The following CNTLN variants were observed in gnomAD, a reference collection of about 807,000 sequenced individuals.
CNTLN encodes the protein centlein.
Under a neutral mutation model 180.0 loss-of-function variants are expected in CNTLN, and 212 were observed. The ratio of observed to expected loss-of-function variants is 1.18; its 90% confidence interval spans 1.05 to 1.32. The LOEUF (loss-of-function observed/expected upper bound fraction) is 1.32, where lower values mean the gene tolerates loss of function less well. Among genes scored for constraint, CNTLN ranks in the 40% most tolerant of loss-of-function variants. The pLI is 0.00. For missense variants in CNTLN, 2,095 were observed against 1,610.9 expected (o/e 1.30, Z -5.14); for synonymous variants, 722 against 563.1 (o/e 1.28, Z -3.99).
chr9:17,245,340 C>T (rs1445756419), intron 5 of CNTLN, among the ~76,000 whole-genome samples: 4 of 150,386 alleles, frequency 2.7e-5, no homozygotes, highest in African/African-American at 9.8e-5. Context: ...TTTTTTCCTT[C>T]AGCACTTTAA....
At chr9:17,426,148 C>G (rs1829070644) in intron 18 of CNTLN, among the ~76,000 whole-genome samples, 1 of 152,134 alleles carries the variant, frequency 6.6e-6, no homozygotes, top group South Asian at 2.1e-4. Flanking sequence ...AAGAAATAGA[C>G]AATGAAGGAA....
chr9:17,292,653 G>A (rs1285518498), intron 6 of CNTLN, among the ~76,000 whole-genome samples: 1 of 152,038 alleles, frequency 6.6e-6, no homozygotes, highest in East Asian at 1.9e-4. Flanking sequence ...ACTCCATTAG[G>A]TTATTTATGT....
In CNTLN at chr9:17,287,175, C is replaced by T. The variant is rs1393989288; in HGVS notation, c.984-11015C>T. Among the ~76,000 whole-genome samples, 210 of 149,378 alleles carry T rather than the reference C, an allele frequency of 1.4e-3. 1 individual carries two copies. Among genetic ancestry groups the T allele is most frequent in the African/African-American group, 4.3e-3 (173 of 40,006 alleles). On this transcript the variant is annotated intron_variant, in intron 6 of 25. Transcript: ENST00000380647. ...AGATAGCTCTTATTATTTTGAAATA[C>T]GTCCCATCAATACCTAATTTATTGA...
chr9:17,136,662 C>G (rs1817739703), intron 1 of CNTLN, among the ~76,000 whole-genome samples: 1 of 152,170 alleles, frequency 6.6e-6, no homozygotes, highest in African/African-American at 2.4e-5. Flanking sequence ...TTTATAGGTC[C>G]TTGCTGACTG....
intron 2 of CNTLN, among the ~76,000 whole-genome samples, chr9:17,150,742 G>A (rs1410317361): frequency 6.6e-6 from 1 of 152,180 alleles, no homozygotes; most frequent in Non-Finnish European, 1.5e-5. Flanking sequence ...ACTTTGGGCA[G>A]TATGGCCATT....
At chr9:17,260,581 T>G (rs1826888136) in intron 5 of CNTLN, among the ~76,000 whole-genome samples, 1 of 151,456 alleles carries the variant, frequency 6.6e-6, no homozygotes, top group Non-Finnish European at 1.5e-5. Context: ...TAGAACCCTG[T>G]TAGATGCATA....
At chr9:17,459,030 T>C (rs1286128391) in intron 19 of CNTLN, among the ~76,000 whole-genome samples, 1 of 151,822 alleles carries the variant, frequency 6.6e-6, no homozygotes, top group Non-Finnish European at 1.5e-5. Context: ...TCTGTGATTC[T>C]TCATATATTT....
At chr9:17,324,793 TGTAA>T (rs974156873) in intron 8 of CNTLN, among the ~76,000 whole-genome samples, 2 of 152,168 alleles carry the variant, frequency 1.3e-5, no homozygotes, top group Non-Finnish European at 2.9e-5. Context: ...GACTGTACCA[TGTAA>T]GTATTTAGAT....
At chr9:17,401,738 G>C (rs1826991643) in intron 15 of CNTLN, among the ~76,000 whole-genome samples, 1 of 151,768 alleles carries the variant, frequency 6.6e-6, no homozygotes, top group Admixed American at 6.6e-5. Flanking sequence ...AAGATTACTT[G>C]TTTATAACTT....
rs891181654 is a variant in CNTLN, at chr9:17,176,429, T to C, written c.449+33053T>C. On this transcript the variant is annotated intron_variant, in intron 2 of 25. Transcript: ENST00000380647. Reference sequence around the variant, plus strand: ...TTTTGAATACTGAACCAGCTTTGCCTACTGGAATAAATTTCACTTGGTCGT... The same window carrying C: ...TTTTGAATACTGAACCAGCTTTGCCCACTGGAATAAATTTCACTTGGTCGT... Among the ~76,000 whole-genome samples, 3 of 152,222 alleles carry C rather than the reference T, an allele frequency of 2.0e-5. No homozygotes were observed. The East Asian group carries it at 5.8e-4, about 29-fold the overall frequency.
rs1049568801 is a variant in CNTLN, at chr9:17,158,098, C to T, written c.449+14722C>T. Among the ~76,000 whole-genome samples the T allele has an allele frequency of 2.3e-4, 35 of 152,210 alleles. 1 individual carries two copies. In the South Asian group the frequency reaches 2.7e-3, roughly 12 times the overall value. On this transcript the variant is annotated intron_variant, in intron 2 of 25. Coordinates refer to ENST00000380647, the MANE Select transcript of CNTLN (RefSeq NM_017738.4). ...ATCCAAAATTTGAAACACTTCTGAT[C>T]CCAACCATGTCAGATAAGGGATACC...
At chr9:17,293,311 G>T (rs551781978) in intron 6 of CNTLN, among the ~76,000 whole-genome samples, 4 of 152,226 alleles carry the variant, frequency 2.6e-5, no homozygotes, top group Non-Finnish European at 5.9e-5. Flanking sequence ...GAGCGGGTGC[G>T]CTGTGCTGTG....
At chr9:17,147,981 A>G (rs1295642982) in intron 2 of CNTLN, among the ~76,000 whole-genome samples, 1 of 152,174 alleles carries the variant, frequency 6.6e-6, no homozygotes, top group Non-Finnish European at 1.5e-5. Flanking sequence ...ATACTACTAT[A>G]CTTCATATGC....
chr9:17,142,687 C>G (rs899595814), intron 1 of CNTLN, among the ~76,000 whole-genome samples: 17 of 152,140 alleles, frequency 1.1e-4, no homozygotes, highest in African/African-American at 3.9e-4. Flanking sequence ...ACTTTTAAAA[C>G]ATACTGATGC....
chr9:17,357,322 G>T (rs1486213985), intron 12 of CNTLN, among the ~76,000 whole-genome samples: 3 of 151,428 alleles, frequency 2.0e-5, no homozygotes, highest in African/African-American at 2.4e-5. Context: ...TTTGTATTTT[G>T]CTATAAAGTC....
the CNTLN span, among the ~76,000 whole-genome samples, chr9:17,517,320 A>T: frequency 6.6e-6 from 1 of 151,880 alleles, no homozygotes; most frequent in Admixed American, 6.6e-5. Context: ...TGAACCCAGG[A>T]GGCGGAGCTT....
intron 23 of CNTLN, among the ~76,000 whole-genome samples, chr9:17,470,464 A>G (rs184472666): frequency 2.6e-5 from 4 of 152,000 alleles, no homozygotes; most frequent in East Asian, 1.9e-4. Flanking sequence ...TGTGGAATCT[A>G]TGTTCCCTTT....
intron 7 of CNTLN, 175 bp downstream of exon 7, chr9:17,298,527 A>G: frequency 1.5e-6 from 2 of 1,302,746 alleles, no homozygotes; most frequent in Non-Finnish European, 2.0e-6. Context: ...AATTTTTTGA[A>G]TTTTCTTTAT....
At chr9:17,135,988 A>G (rs561655122) in intron 1 of CNTLN, among the ~76,000 whole-genome samples, 3 of 152,172 alleles carry the variant, frequency 2.0e-5, no homozygotes, top group African/African-American at 7.2e-5. Flanking sequence ...TTGTTTATTA[A>G]CCAGCTATGG....
Sources: allele counts gnomAD v4.1 joint callset (sites outside exome capture counted in the v4.1 genomes callset), GRCh38; gene constraint gnomAD v4.1.1; transcripts MANE v1.5; gene names NCBI Gene and HGNC (gene_info 2026-07-23, HGNC 2026-07-21).